Variants in JUP observed in about 807,000 individuals in gnomAD.
The protein encoded by JUP is junction plakoglobin, also known as catenin (cadherin-associated protein), gamma 80kDa.
JUP carries 28 observed loss-of-function variants against 71.1 expected under a neutral mutation model. That is an observed-to-expected ratio of 0.39 (90% CI 0.29 to 0.54). The LOEUF (loss-of-function observed/expected upper bound fraction) is 0.54. JUP is among the 20% of genes least tolerant of loss of function. JUP has a pLI of 0.62. For missense variants in JUP, 869 were observed against 1,030.1 expected, an observed-to-expected ratio of 0.84 and a Z score of 2.14; for synonymous variants, 401 against 438.9, an observed-to-expected ratio of 0.91 and a Z score of 1.08.
In JUP at chr17:41,767,439, C is replaced by T. The variant is rs794729054; in HGVS notation, c.849G>A (p.Lys283=). 6.2e-7 allele frequency: 1 copy of T among 1,614,128 alleles called. No homozygotes were observed. Among genetic ancestry groups the T allele is most frequent in the African/African-American group, 1.3e-5 (1 of 75,006 alleles). Residue 283 remains lysine, a synonymous_variant, in exon 5 of 14, where the codon AAG becomes AAA. Transcript: ENST00000393931. ...GGCAGTCGGTGGTGATGGCCAGGAA[C>T]TTGGGGTTGTTCTTGTTGAGCAGGG... The part of the protein sequence containing the change: ...MVPLLNKNNP[K]FLAITTDCLQ...
intron 1 of JUP, among the ~76,000 whole-genome samples, chr17:41,774,850 C>G (rs1917201495): frequency 6.6e-6 from 1 of 151,950 alleles, no homozygotes; most frequent in Admixed American, 6.6e-5. Flanking sequence ...CACCTGTAAT[C>G]CCAGCACTTT....
chr17:41,761,935 G>A (rs1269867038), intron 8 of JUP, among the ~76,000 whole-genome samples: 1 of 151,226 alleles, frequency 6.6e-6, no homozygotes, highest in African/African-American at 2.4e-5. Flanking sequence ...CAGACATGGT[G>A]GCGTGCACCT....
Position 41,760,341 on chromosome 17 carries a change from C to T in JUP, c.1498-1471G>A, listed in dbSNP as rs184529060. On this transcript the variant is annotated intron_variant, in intron 8 of 13. Transcript: ENST00000393931. ...CGCGATCTCAGCTCACTGCAAGCTC[C>T]GCCTCCCGGGTTCACACCATTCTCC... 7.9e-3 allele frequency among the ~76,000 whole-genome samples: 1,153 copies of T among 146,492 alleles called. 24 individuals are homozygous for T. The highest frequency in any genetic ancestry group is 0.028 in the African/African-American group (1,094 of 39,670).
chr17:41,783,893 CAAAAAAAA>C (rs35672991), intron 1 of JUP, among the ~76,000 whole-genome samples: 4 of 82,010 alleles, frequency 4.9e-5, no homozygotes, highest in African/African-American at 1.5e-4. Flanking sequence ...GACTCCATCT[CAAAAAAAA>C]AAAAAAAAAA....
intron 6 of JUP, 26 bp downstream of exon 6, chr17:41,764,897 G>T (rs1343837515): frequency 1.2e-5 from 20 of 1,613,938 alleles, no homozygotes; most frequent in Non-Finnish European, 1.6e-5. Context: ...TCCCACCCCA[G>T]CCGCCCTCAA....
Position 41,762,401 on chromosome 17 carries a change from T to G in JUP, c.1497+582A>C, listed in dbSNP as rs1386619298. 4.0e-5 allele frequency among the ~76,000 whole-genome samples: 6 copies of G among 151,876 alleles called. 1 individual carries two copies. Among genetic ancestry groups the G allele is most frequent in the South Asian group, 4.1e-4 (2 of 4,820 alleles). On this transcript the variant is annotated intron_variant, in intron 8 of 13. Transcript: ENST00000393931. Reference sequence around the variant, plus strand: ...TGCACCCAGCCTCCTGTTTTTCTTTTCTTTTAAGACACGGGTTCTTGCTCT... The same window carrying G: ...TGCACCCAGCCTCCTGTTTTTCTTTGCTTTTAAGACACGGGTTCTTGCTCT...
chr17:41,765,656 C>G (rs1219619588), intron 5 of JUP, among the ~76,000 whole-genome samples: 1 of 152,098 alleles, frequency 6.6e-6, no homozygotes, highest in Non-Finnish European at 1.5e-5. Context: ...CCCAGCCCAC[C>G]CCAATAGTTT....
Position 41,757,419 on chromosome 17 carries a change from T to A in JUP, c.2042A>T (p.Glu681Val). Residue 681 changes from glutamate (E) to valine (V), a missense_variant, in exon 12 of 14, where the codon GAG becomes GTG. Coordinates refer to ENST00000393931, the MANE Select transcript of JUP (RefSeq NM_002230.4). ...SLFKHDPAAWEAAQSMIPINE... is the reference protein window; with the variant it reads ...SLFKHDPAAWVAAQSMIPINE... ...GGTCCAACCTAGGATACTCACAGCC[T>A]CCCAGGCAGCCGGGTCATGCTTGAA... 1 of 1,614,200 alleles carries A rather than the reference T, an allele frequency of 6.2e-7. No homozygotes were observed. The highest frequency in any genetic ancestry group is 1.1e-5 in the South Asian group (1 of 91,090).
intron 11 of JUP, 34 bp from the exon 12 acceptor site, chr17:41,757,570 C>A: frequency 6.2e-7 from 1 of 1,614,138 alleles, no homozygotes; most frequent in Non-Finnish European, 8.5e-7. Flanking sequence ...CCAGGTTAAA[C>A]GTCGGCCAGC....
At chr17:41,762,878 C>T (rs531593654) in intron 8 of JUP, 105 bp downstream of exon 8, 30 of 856,994 alleles carry the variant, frequency 3.5e-5, no homozygotes, top group African/African-American at 2.0e-4. Flanking sequence ...CTGTCTTATT[C>T]GAGCCACTGT....
At chr17:41,778,200 T>G (rs1567829638) in intron 1 of JUP, among the ~76,000 whole-genome samples, 2 of 152,154 alleles carry the variant, frequency 1.3e-5, no homozygotes, top group East Asian at 1.9e-4. Flanking sequence ...AACCCTCTCC[T>G]GGGAAGATCC....
intron 1 of JUP, among the ~76,000 whole-genome samples, chr17:41,774,876 G>A (rs1597845858): frequency 6.6e-6 from 1 of 151,982 alleles, no homozygotes; most frequent in East Asian, 2.0e-4. Context: ...GCCAAGGCGG[G>A]CAGATCACGA....
At chr17:41,780,566 A>T (rs1057481788) in intron 1 of JUP, among the ~76,000 whole-genome samples, 153 of 151,966 alleles carry the variant, frequency 1.0e-3, no homozygotes, top group African/African-American at 3.3e-3. Flanking sequence ...ATGGTGGCGC[A>T]TGCCTGTAGT....
chr17:41,764,743 C>T lies in JUP; in HGVS notation c.1128G>A (p.Leu376=), dbSNP rs781926392. The T allele has an allele frequency of 3.7e-6, 6 of 1,613,132 alleles. No individual in the cohort carries two copies. The highest frequency in any genetic ancestry group is 1.7e-5 in the Admixed American group (1 of 59,946). The part of the protein sequence containing the change: ...PRLVQNCLWT[L]RNLSDVATKQ... ...TGGTGGCCACATCTGAGAGGTTGCGCAGGGTCCACAGGCAGTTCTGCACCA... is the reference window on the plus strand; with the variant it reads ...TGGTGGCCACATCTGAGAGGTTGCGTAGGGTCCACAGGCAGTTCTGCACCA... The change falls in exon 7 of 14, where the codon CTG becomes CTA. Residue 376 remains leucine (L), a synonymous_variant. Coordinates refer to ENST00000393931, the MANE Select transcript of JUP (RefSeq NM_002230.4).
intron 7 of JUP, among the ~76,000 whole-genome samples, chr17:41,764,301 A>C (rs1474994681): frequency 6.6e-6 from 1 of 152,128 alleles, no homozygotes; most frequent in Non-Finnish European, 1.5e-5. Flanking sequence ...TTGGGAGGCC[A>C]AGGCGGGTGG....
At chr17:41,756,681 A>G (rs781983868) in intron 12 of JUP, among the ~76,000 whole-genome samples, 1 of 152,116 alleles carries the variant, frequency 6.6e-6, no homozygotes, top group African/African-American at 2.4e-5. Flanking sequence ...GGCGGATCAC[A>G]AGGTCAGGAG....
At chr17:41,767,916 G>A (rs1915980168) in intron 4 of JUP, among the ~76,000 whole-genome samples, 1 of 152,204 alleles carries the variant, frequency 6.6e-6, no homozygotes, top group Non-Finnish European at 1.5e-5. Context: ...AAGGCGTTCA[G>A]AGGGGAGTGA....
At chr17:41,773,585 GAGCCCCCCCAACC>G (rs1916992837) in intron 1 of JUP, among the ~76,000 whole-genome samples, 1 of 152,010 alleles carries the variant, frequency 6.6e-6, no homozygotes, top group African/African-American at 2.4e-5. Context: ...ATTTCAGAAG[GAGCCCCCCCAACC>G]AGCCCCCTTT....
chr17:41,767,373 G>T lies in JUP; in HGVS notation c.909+6C>A, dbSNP rs193922705. ...TCAGGCCTCGGGAGAGTTGGGGAGG[G>T]CCCACCTTGCTCTCCTGGTTGCCGT... On this transcript the variant is annotated splice_donor_region_variant and intron_variant, in intron 5 of 13. Transcript: ENST00000393931. 5.6e-6 allele frequency: 9 copies of T among 1,613,538 alleles called. No homozygotes were observed. In the African/African-American group the frequency reaches 1.1e-4, roughly 19 times the overall value.
Sources: allele counts gnomAD v4.1 joint callset (sites outside exome capture counted in the v4.1 genomes callset), GRCh38; gene constraint gnomAD v4.1.1; transcripts MANE v1.5; gene names NCBI Gene and HGNC (gene_info 2026-07-23, HGNC 2026-07-21).